EIF4G3: variants seen among roughly 807,000 people sequenced by gnomAD.
EIF4G3 encodes eukaryotic translation initiation factor 4 gamma 3.
Under a neutral mutation model 186.4 loss-of-function variants are expected in EIF4G3, and 34 were observed. The ratio of observed to expected loss-of-function variants is 0.18; its 90% CI spans 0.14 to 0.24. EIF4G3 has a LOEUF of 0.24. Ranked by LOEUF, EIF4G3 falls within the 10% of genes least tolerant of loss-of-function variation. The pLI, the probability that EIF4G3 is intolerant of heterozygous loss-of-function variation, is 1.00. For missense variants in EIF4G3, 1,536 were observed against 1,948.5 expected (o/e 0.79, Z 3.99); for synonymous variants, 673 against 679.5 (o/e 0.99, Z 0.15).
At chr1:21,166,350 A>G (rs933720762) in intron 2 of EIF4G3, among the ~76,000 whole-genome samples, 15 of 152,038 alleles carry the variant, frequency 9.9e-5, no homozygotes, top group Admixed American at 7.2e-4. Context: ...GGACTGCTTG[A>G]GCCCAGCAGG....
At chr1:20,917,378 A>T (rs1018347580) in intron 14 of EIF4G3, among the ~76,000 whole-genome samples, 4 of 152,212 alleles carry the variant, frequency 2.6e-5, no homozygotes, top group African/African-American at 7.2e-5. Context: ...ATTGTAGTGC[A>T]TGCCTGTTGT....
chr1:20,935,182 C>G (rs2095479802), intron 14 of EIF4G3, among the ~76,000 whole-genome samples: 1 of 152,040 alleles, frequency 6.6e-6, no homozygotes. Context: ...AGAAACATGA[C>G]GTATAAAGGA....
At chr1:21,164,858 C>T (rs1409767157) in intron 2 of EIF4G3, among the ~76,000 whole-genome samples, 1 of 151,858 alleles carries the variant, frequency 6.6e-6, no homozygotes, top group African/African-American at 2.4e-5. Context: ...AGACAGACCT[C>T]AAGAAAATGA....
At chr1:21,175,474 T>C (rs1167736186) in intron 2 of EIF4G3, 2 of 152,216 alleles carry the variant, frequency 1.3e-5, no homozygotes, top group Admixed American at 6.5e-5. Context: ...AGTGAGACTT[T>C]TGTGGGTGAT....
intron 16 of EIF4G3, among the ~76,000 whole-genome samples, chr1:20,898,285 T>C (rs2089066915): frequency 6.6e-6 from 1 of 151,684 alleles, no homozygotes; most frequent in Non-Finnish European, 1.5e-5. Context: ...AGCACAAGAG[T>C]TTGAAAGCAG....
At chr1:21,102,042 A>T (rs1353898351) in intron 2 of EIF4G3, among the ~76,000 whole-genome samples, 1 of 152,248 alleles carries the variant, frequency 6.6e-6, no homozygotes, top group Non-Finnish European at 1.5e-5. Context: ...CCAAAGCCCA[A>T]TTAAGATGCT....
At position 20,892,025 on chromosome 1, in the gene EIF4G3, A is replaced by T. The variant is rs76546824; in HGVS notation, c.2253+1492T>A. ...TCGGTAGTTTTACAAAGCCTCCAACACACTGTAGGCATTCAAGTATACGCC... is the reference window on the plus strand; with the variant it reads ...TCGGTAGTTTTACAAAGCCTCCAACTCACTGTAGGCATTCAAGTATACGCC... On this transcript the variant is annotated intron_variant, in intron 18 of 36. Coordinates refer to ENST00000602326, the MANE Select transcript of EIF4G3 (RefSeq NM_001391906.1). Among the ~76,000 whole-genome samples, 850 of 152,256 alleles carry T rather than the reference A, an allele frequency of 5.6e-3. 13 individuals are homozygous for T. The highest frequency in any genetic ancestry group is 0.02 in the African/African-American group (814 of 41,542).
chr1:21,072,178 G>T (rs554797577), intron 3 of EIF4G3, among the ~76,000 whole-genome samples: 5 of 152,226 alleles, frequency 3.3e-5, no homozygotes, highest in African/African-American at 1.2e-4. Context: ...AGGTAATAAA[G>T]TTGGACATTC....
At chr1:20,815,626 A>T (rs1460663026) in intron 34 of EIF4G3, among the ~76,000 whole-genome samples, 1 of 149,034 alleles carries the variant, frequency 6.7e-6, no homozygotes, top group East Asian at 2.0e-4. Flanking sequence ...TCCGCCCGGC[A>T]GCCACCCCGT....
At chr1:20,902,791 C>T (rs2090817945) in intron 15 of EIF4G3, among the ~76,000 whole-genome samples, 1 of 152,098 alleles carries the variant, frequency 6.6e-6, no homozygotes. Flanking sequence ...TAGGCGCGCG[C>T]CACCACGGCC....
chr1:20,941,122 T>C (rs1317023045), intron 14 of EIF4G3: 2 of 1,115,758 alleles, frequency 1.8e-6, no homozygotes, highest in African/African-American at 3.2e-5. Flanking sequence ...AAGACAGAAT[T>C]AGGGACTATA....
chr1:20,949,897 C>T (rs1364693198), intron 13 of EIF4G3, 106 bp downstream of exon 13: 1 of 959,490 alleles, frequency 1.0e-6, no homozygotes, highest in Non-Finnish European at 1.6e-6. Context: ...AGGTGGGTGT[C>T]TAAATAATCC....
chr1:20,836,029 CA>C (rs773198352), intron 30 of EIF4G3, among the ~76,000 whole-genome samples: 7 of 152,024 alleles, frequency 4.6e-5, no homozygotes, highest in South Asian at 4.1e-4. Flanking sequence ...CAAATTCTTC[CA>C]AAAAATTGAA....
chr1:20,843,663 A>G (rs1167199173), intron 29 of EIF4G3, among the ~76,000 whole-genome samples: 1 of 152,172 alleles, frequency 6.6e-6, no homozygotes, highest in Non-Finnish European at 1.5e-5. Flanking sequence ...AACTTTTAAG[A>G]TCAGGGGTAC....
intron 2 of EIF4G3, among the ~76,000 whole-genome samples, chr1:21,153,254 A>G (rs1048981745): frequency 6.6e-6 from 1 of 152,084 alleles, no homozygotes; most frequent in Non-Finnish European, 1.5e-5. Context: ...CTACATCTCA[A>G]AGACTCTTAG....
intron 25 of EIF4G3, among the ~76,000 whole-genome samples, chr1:20,857,162 C>CAAAAAA (rs577290987): frequency 0.56 from 26,366 of 46,940 alleles, 8,728 homozygotes; most frequent in East Asian, 0.87. Context: ...GACTCCATCT[C>CAAAAAA]AAAAAAAAAA....
At position 20,860,654 on chromosome 1, in the gene EIF4G3, T is replaced by C. The variant is rs189933836; in HGVS notation, c.3112-137A>G. 1.4e-5 allele frequency: 14 copies of C among 979,006 alleles called. No individual in the cohort carries two copies. The Admixed American group carries it at 2.8e-4, about 20-fold the overall frequency. 60.6% of individuals were successfully genotyped at this position (979,006 alleles called of 1,614,324 possible). On this transcript the variant is annotated intron_variant, in intron 23 of 36. Transcript: ENST00000602326. ...TTATGGCAGTTTCTCATGTATCTTA[T>C]AGATGACACTATGAGCAGTTTAGGA... is the stretch of plus-strand genomic sequence containing the variant.
At chr1:20,916,089 T>C (rs928387236) in intron 14 of EIF4G3, among the ~76,000 whole-genome samples, 2 of 152,082 alleles carry the variant, frequency 1.3e-5, no homozygotes, top group African/African-American at 4.8e-5. Context: ...AAATAAAAAA[T>C]ACCATGTACA....
At chr1:21,112,509 A>G (rs1318467879) in intron 2 of EIF4G3, among the ~76,000 whole-genome samples, 1 of 152,192 alleles carries the variant, frequency 6.6e-6, no homozygotes, top group Non-Finnish European at 1.5e-5. Flanking sequence ...ATTCAATTAA[A>G]ATGCCCTTAC....
Sources: allele counts gnomAD v4.1 joint callset (sites outside exome capture counted in the v4.1 genomes callset), GRCh38; gene constraint gnomAD v4.1.1; transcripts MANE v1.5; gene names NCBI Gene and HGNC (gene_info 2026-07-23, HGNC 2026-07-21).